Variants in MET observed in about 807,000 individuals in gnomAD.
MET encodes hepatocyte growth factor receptor.
Under a neutral mutation model 133.1 loss-of-function variants are expected in MET, and 48 were observed. The ratio of observed to expected loss-of-function variants is 0.36; its 90% CI spans 0.29 to 0.46. The LOEUF is 0.46. Ranked by LOEUF, MET falls within the 20% of genes least tolerant of loss-of-function variation. The pLI, the probability that MET is intolerant of heterozygous loss-of-function variation, is 1.00. For synonymous variants in MET, 628 were observed against 616.5 expected, an observed-to-expected ratio of 1.02 and a Z score of -0.28; for missense variants, 1,442 against 1,695.9, an observed-to-expected ratio of 0.85 and a Z score of 2.63.
intron 2 of MET, among the ~76,000 whole-genome samples, chr7:116,716,521 GAAAGAA>G (rs1562893564): frequency 6.7e-6 from 1 of 148,506 alleles, no homozygotes; most frequent in African/African-American, 2.5e-5. Flanking sequence ...AAGAAAGAAA[GAAAGAA>G]AGAAAGAAAG....
intron 2 of MET, among the ~76,000 whole-genome samples, chr7:116,716,427 GGAAA>G (rs1429407600): frequency 5.8e-5 from 8 of 137,362 alleles, no homozygotes; most frequent in Admixed American, 5.4e-4. Flanking sequence ...GAGTAAGGAA[GGAAA>G]GAAAGAAGGA....
rs578015809 is a variant in MET at position 116,782,172 on chromosome 7, A to G, written c.3632+75A>G. 1,347 of 1,019,966 alleles carry G rather than the reference A, an allele frequency of 1.3e-3. 1 individual carries two copies. Among genetic ancestry groups the G allele is most frequent in the Non-Finnish European group, 1.8e-3 (1,199 of 655,164 alleles). 63.2% of individuals were successfully genotyped at this position (1,019,966 alleles called of 1,614,324 possible). On this transcript the variant is annotated intron_variant, in intron 18 of 20. Transcript: ENST00000397752. ...AATCTGTTTCCCACTGTTCAATGCT[A>G]GTTAAGCTGTTTTCTCTTCTTATGC...
At chr7:116,675,942 C>T (rs1796144785) in intron 1 of MET, among the ~76,000 whole-genome samples, 1 of 152,102 alleles carries the variant, frequency 6.6e-6, no homozygotes, top group African/African-American at 2.4e-5. Context: ...CTGTGTTAAA[C>T]AGGTTAGTAT....
Position 116,771,703 on chromosome 7 carries a change from T to G in MET, c.2887+49T>G, listed in dbSNP as rs376814199. The G allele has an allele frequency of 8.9e-5, 144 of 1,609,288 alleles. No homozygotes were observed. The highest frequency in any genetic ancestry group is 1.2e-4 in the Non-Finnish European group (137 of 1,176,114). On this transcript the variant is annotated intron_variant, in intron 13 of 20. Transcript: ENST00000397752. ...TTTAGAAGTTACCTTAAGAACACAG[T>G]CATTACAGTTTAAGATTGTCGTCGA...
rs770528254 is a variant in MET, at chr7:116,699,923, G to C, written c.839G>C (p.Arg280Thr). 1.9e-6 allele frequency: 3 copies of C among 1,613,968 alleles called. No homozygotes were observed. Among genetic ancestry groups the C allele is most frequent in the Non-Finnish European group, 2.5e-6 (3 of 1,179,988 alleles). The change falls in exon 2 of 21, where the codon AGG (arginine) becomes ACG (threonine). Residue 280 changes from arginine to threonine, a missense_variant. Transcript: ENST00000397752. ...CAGACTTTTCACACAAGAATAATCA[G>C]GTTCTGTTCCATAAACTCTGGATTG... Reference protein sequence around the residue: ...DAQTFHTRIIRFCSINSGLHS... With the variant: ...DAQTFHTRIITFCSINSGLHS...
intron 2 of MET, among the ~76,000 whole-genome samples, chr7:116,713,944 G>A (rs967341433): frequency 2.0e-5 from 3 of 152,180 alleles, no homozygotes; most frequent in African/African-American, 7.2e-5. Context: ...TTAGTGCAGG[G>A]TAATTGGTGT....
At chr7:116,777,553 A>G (rs564638188) in intron 16 of MET, 84 bp downstream of exon 16, 617 of 1,325,720 alleles carry the variant, frequency 4.7e-4, no homozygotes, top group Non-Finnish European at 6.5e-4. Flanking sequence ...GTTGATTTAC[A>G]CTTTCCCCTT....
At chr7:116,704,071 C>G (rs905131578) in intron 2 of MET, among the ~76,000 whole-genome samples, 1 of 152,080 alleles carries the variant, frequency 6.6e-6, no homozygotes, top group Admixed American at 6.6e-5. Flanking sequence ...TGGTGCCAGA[C>G]ACACCTGGGT....
chr7:116,768,786 T>C (rs1265389228), intron 11 of MET, among the ~76,000 whole-genome samples: 1 of 152,202 alleles, frequency 6.6e-6, no homozygotes, highest in East Asian at 1.9e-4. Context: ...AATAAATAAC[T>C]GTACTCATTA....
intron 17 of MET, 90 bp from the exon 18 acceptor site, chr7:116,781,897 AT>A: frequency 1.1e-6 from 1 of 893,246 alleles, no homozygotes; most frequent in Non-Finnish European, 1.8e-6. Flanking sequence ...AGACAAGATA[AT>A]TTTTTATAAA....
chr7:116,698,956 A>G (rs891610964), intron 1 of MET, 115 bp from the exon 2 acceptor site: 115 of 1,443,276 alleles, frequency 8.0e-5, no homozygotes, highest in Non-Finnish European at 1.0e-4. Flanking sequence ...TTTTCCTTCT[A>G]TGTAAAAGTC....
At chr7:116,710,533 G>A (rs1337981924) in intron 2 of MET, among the ~76,000 whole-genome samples, 3 of 152,028 alleles carry the variant, frequency 2.0e-5, no homozygotes, top group Non-Finnish European at 4.4e-5. Context: ...TAGCATAATT[G>A]CCTCATGCCT....
intron 2 of MET, among the ~76,000 whole-genome samples, chr7:116,713,339 G>A (rs1324921567): frequency 6.6e-6 from 1 of 150,902 alleles, no homozygotes; most frequent in Non-Finnish European, 1.5e-5. Context: ...AGCTTGCAGT[G>A]AGCCGAGATC....
At chr7:116,735,103 A>G (rs1793162143) in intron 3 of MET, among the ~76,000 whole-genome samples, 1 of 152,102 alleles carries the variant, frequency 6.6e-6, no homozygotes, top group Non-Finnish European at 1.5e-5. Flanking sequence ...CTCCACAAAT[A>G]CTCACTGGGC....
Position 116,740,026 on chromosome 7 carries a change from T to C in MET, c.1469T>C (p.Val490Ala), listed in dbSNP as rs1386580690. 2 of 1,614,100 alleles carry C rather than the reference T, an allele frequency of 1.2e-6. No homozygotes were observed. Among genetic ancestry groups the C allele is most frequent in the East Asian group, 2.2e-5 (1 of 44,872 alleles). Reference protein sequence around the residue: ...LLDSHPVSPEVIVEHTLNQNG... With the variant: ...LLDSHPVSPEAIVEHTLNQNG... ...GACTCCCATCCAGTGTCTCCAGAAG[T>C]GATTGTGGAGCATACATTAAACCAA... Residue 490 changes from valine to alanine, a missense_variant, in exon 4 of 21, where the codon GTG becomes GCG. By Grantham distance (64) the Val-to-Ala change is moderately conservative (BLOSUM62 0). Transcript: ENST00000397752.
intron 9 of MET, 22 bp from the exon 10 acceptor site, chr7:116,759,369 G>A (rs1296969482): frequency 6.2e-7 from 1 of 1,609,802 alleles, no homozygotes; most frequent in African/African-American, 1.3e-5. Context: ...AACATTGTCA[G>A]TTTTCTATTT....
At chr7:116,713,148 C>A (rs1431107005) in intron 2 of MET, among the ~76,000 whole-genome samples, 1 of 152,164 alleles carries the variant, frequency 6.6e-6, no homozygotes, top group Non-Finnish European at 1.5e-5. Flanking sequence ...GTAATCCCAG[C>A]ACTTTGGGAG....
chr7:116,795,414 A>G (rs1795637725), intron 19 of MET, among the ~76,000 whole-genome samples: 1 of 152,266 alleles, frequency 6.6e-6, no homozygotes, highest in Admixed American at 6.5e-5. Flanking sequence ...AATCTTCATC[A>G]TCATGTAGAC....
intron 11 of MET, among the ~76,000 whole-genome samples, chr7:116,765,412 A>G (rs1794588195): frequency 6.6e-6 from 1 of 152,032 alleles, no homozygotes; most frequent in Non-Finnish European, 1.5e-5. Flanking sequence ...GCAGCCATGC[A>G]TGCAAGAGTT....
Sources: gnomAD v4.1 joint callset for allele counts (sites outside exome capture counted in the v4.1 genomes callset) on GRCh38, gnomAD v4.1.1 for gene constraint, MANE v1.5 for transcripts, NCBI Gene and HGNC (gene_info 2026-07-23, HGNC 2026-07-21) for gene names.